AKAP12: variants seen among roughly 807,000 people sequenced by gnomAD.
The protein encoded by AKAP12 is A-kinase anchoring protein 12.
In AKAP12, 32 loss-of-function variants were observed where a neutral mutation model predicts 79.9. The observed-to-expected ratio is 0.40, with a 90% CI of 0.30 to 0.54. The LOEUF (loss-of-function observed/expected upper bound fraction) is 0.54, where lower values mean the gene tolerates loss of function less well. AKAP12 is among the 20% of genes least tolerant of loss of function. The pLI is 0.48. For synonymous variants in AKAP12, 808 were observed against 857.0 expected (o/e 0.94, Z 1.00); for missense variants, 2,074 against 2,177.0 (o/e 0.95, Z 0.94).
intron 2 of AKAP12, among the ~76,000 whole-genome samples, chr6:151,268,379 T>C (rs1301720765): frequency 6.6e-6 from 1 of 152,120 alleles, no homozygotes; most frequent in Non-Finnish European, 1.5e-5. Context: ...ATCACGCCAT[T>C]GCACTCCAGC....
chr6:151,342,236 G>A (rs1777970979), intron 3 of AKAP12, among the ~76,000 whole-genome samples: 1 of 152,270 alleles, frequency 6.6e-6, no homozygotes, highest in African/African-American at 2.4e-5. Flanking sequence ...CACTTGGGCT[G>A]CGCCATGGGG....
rs1281039525 is a variant in AKAP12, at chr6:151,352,081, G to A, written c.3690G>A (p.Gln1230=). ...RPPAPSSFVF[Q]EETKEQSKME... ...CAGCACCTTCCAGTTTTGTGTTCCA[G>A]GAAGAAACTAAAGAACAATCAAAGA... is the stretch of plus-strand genomic sequence containing the variant. The change falls in exon 4 of 5, where the codon CAG becomes CAA. Residue 1230 remains glutamine, a synonymous_variant. Coordinates refer to ENST00000402676, the MANE Select transcript of AKAP12 (RefSeq NM_005100.4). 6.2e-7 allele frequency: 1 copy of A among 1,613,932 alleles called. No homozygotes were observed. The highest frequency in any genetic ancestry group is 8.5e-7 in the Non-Finnish European group (1 of 1,180,032).
chr6:151,243,801 G>C (rs1322134791), intron 2 of AKAP12, among the ~76,000 whole-genome samples: 2 of 152,094 alleles, frequency 1.3e-5, no homozygotes, highest in Non-Finnish European at 2.9e-5. Flanking sequence ...CCTGAATGCT[G>C]GTGGTAAGTA....
chr6:151,332,129 C>T (rs1270920061), intron 3 of AKAP12, among the ~76,000 whole-genome samples: 1 of 150,834 alleles, frequency 6.6e-6, no homozygotes, highest in Non-Finnish European at 1.5e-5. Flanking sequence ...CTCCGCCTCC[C>T]AGGTTCAAAT....
intron 3 of AKAP12, among the ~76,000 whole-genome samples, chr6:151,331,734 A>C (rs1365323135): frequency 6.6e-6 from 1 of 151,698 alleles, no homozygotes; most frequent in African/African-American, 2.4e-5. Flanking sequence ...AAATACAAAA[A>C]ATTAGCCGGG....
intron 3 of AKAP12, among the ~76,000 whole-genome samples, chr6:151,320,421 G>T (rs1224302689): frequency 6.6e-6 from 1 of 151,940 alleles, no homozygotes; most frequent in Non-Finnish European, 1.5e-5. Flanking sequence ...CGCCCGGCCT[G>T]TGTCACTACT....
intron 2 of AKAP12, among the ~76,000 whole-genome samples, chr6:151,272,693 G>A (rs1020626076): frequency 2.0e-5 from 3 of 151,986 alleles, no homozygotes; most frequent in Non-Finnish European, 4.4e-5. Flanking sequence ...GTGCTGCCAC[G>A]CCCTGTTCAT....
intron 2 of AKAP12, among the ~76,000 whole-genome samples, chr6:151,304,771 G>A (rs577548372): frequency 5.3e-5 from 8 of 151,820 alleles, no homozygotes; most frequent in African/African-American, 1.7e-4. Flanking sequence ...TAGAGACGGG[G>A]TTTCACTATG....
intron 2 of AKAP12, among the ~76,000 whole-genome samples, chr6:151,277,400 C>T (rs1776308271): frequency 6.6e-6 from 1 of 152,154 alleles, no homozygotes; most frequent in Non-Finnish European, 1.5e-5. Flanking sequence ...GTCTCTACTC[C>T]TCTTTAAGAA....
At chr6:151,272,114 A>T (rs375542800) in intron 2 of AKAP12, among the ~76,000 whole-genome samples, 10 of 152,074 alleles carry the variant, frequency 6.6e-5, no homozygotes, top group African/African-American at 2.4e-4. Flanking sequence ...CTGAGGTGGG[A>T]TGATCACTTG....
chr6:151,336,605 C>T (rs901596525), intron 3 of AKAP12, among the ~76,000 whole-genome samples: 5 of 151,990 alleles, frequency 3.3e-5, no homozygotes, highest in African/African-American at 4.8e-5. Context: ...ATTAGCCAGG[C>T]GCGGTGGCAT....
chr6:151,333,688 G>A (rs948137244), intron 3 of AKAP12, among the ~76,000 whole-genome samples: 3 of 149,828 alleles, frequency 2.0e-5, no homozygotes, highest in Non-Finnish European at 2.9e-5. Context: ...GGCTGCAGTC[G>A]AGATCGCACC....
At chr6:151,334,261 A>C (rs1777754153) in intron 3 of AKAP12, among the ~76,000 whole-genome samples, 1 of 152,176 alleles carries the variant, frequency 6.6e-6, no homozygotes, top group African/African-American at 2.4e-5. Flanking sequence ...AGGGTGGTAA[A>C]AAATAGGCAC....
intron 3 of AKAP12, among the ~76,000 whole-genome samples, chr6:151,329,297 G>T (rs1397718451): frequency 6.6e-6 from 1 of 152,136 alleles, no homozygotes; most frequent in African/African-American, 2.4e-5. Flanking sequence ...TGTATTTTTA[G>T]TAGAGACGAG....
Position 151,352,357 on chromosome 6 carries a change from G to C in AKAP12, c.3966G>C (p.Leu1322=). The C allele has an allele frequency of 6.2e-7, 1 of 1,614,194 alleles. No homozygotes were observed. The highest frequency in any genetic ancestry group is 2.2e-5 in the East Asian group (1 of 44,876). Residue 1322 remains leucine (L), a synonymous_variant, in exon 4 of 5, where the codon CTG becomes CTC. Transcript: ENST00000402676. ...AECKKDDALE[L]QSHAKSPPSP... is the part of the protein sequence containing the mutation. Reference sequence around the variant, plus strand: ...GTAAAAAGGATGATGCTCTTGAACTGCAGAGTCACGCTAAGTCTCCTCCAT... The same window carrying C: ...GTAAAAAGGATGATGCTCTTGAACTCCAGAGTCACGCTAAGTCTCCTCCAT...
At chr6:151,327,837 A>G (rs1459924538) in intron 3 of AKAP12, among the ~76,000 whole-genome samples, 1 of 152,190 alleles carries the variant, frequency 6.6e-6, no homozygotes, top group East Asian at 1.9e-4. Flanking sequence ...TTTTCCTGGT[A>G]AGAAGAAAGT....
Position 151,262,916 on chromosome 6 carries a change from C to G in AKAP12, c.162+22192C>G, listed in dbSNP as rs903454254. Among the ~76,000 whole-genome samples the G allele has an allele frequency of 6.6e-5, 10 of 152,292 alleles. No homozygotes were observed. The South Asian group carries it at 1.0e-3, about 16-fold the overall frequency. On this transcript the variant is annotated intron_variant, in intron 2 of 4. Transcript: ENST00000402676. Reference sequence around the variant, plus strand: ...AGAGAGACATTCTACAACTTCAAATCTAAGGTTTTCTGGGTCTCAATTCCC... The same window carrying G: ...AGAGAGACATTCTACAACTTCAAATGTAAGGTTTTCTGGGTCTCAATTCCC...
chr6:151,317,290 A>G (rs1296767540), intron 3 of AKAP12, among the ~76,000 whole-genome samples: 3 of 152,190 alleles, frequency 2.0e-5, no homozygotes, highest in Non-Finnish European at 2.9e-5. Context: ...CCTCCCTCCA[A>G]CTGCTCTTCT....
intron 2 of AKAP12, among the ~76,000 whole-genome samples, chr6:151,299,322 G>T (rs1274248584): frequency 6.6e-6 from 1 of 152,178 alleles, no homozygotes; most frequent in Admixed American, 6.5e-5. Flanking sequence ...TGAAGCCTAA[G>T]AATCTATGAG....
Sources: gnomAD v4.1 joint callset for allele counts (sites outside exome capture counted in the v4.1 genomes callset) on GRCh38, gnomAD v4.1.1 for gene constraint, MANE v1.5 for transcripts, NCBI Gene and HGNC (gene_info 2026-07-23, HGNC 2026-07-21) for gene names.